The following NEO1 variants were observed in gnomAD, a reference collection of about 807,000 sequenced individuals.
The protein encoded by NEO1 is neogenin 1.
Under a neutral mutation model 159.7 loss-of-function variants are expected in NEO1, and 63 were observed. The observed-to-expected ratio is 0.39, with a 90% CI of 0.32 to 0.49. NEO1 has a LOEUF of 0.49. NEO1 is among the 20% of genes least tolerant of loss of function. The pLI, the probability that NEO1 is intolerant of heterozygous loss-of-function variation, is 0.85. For synonymous variants in NEO1, 633 were observed against 662.0 expected (o/e 0.96, Z 0.67); for missense variants, 1,615 against 1,831.0 (o/e 0.88, Z 2.15).
At chr15:73,167,373 C>T (rs2034649280) in intron 5 of NEO1, among the ~76,000 whole-genome samples, 1 of 152,066 alleles carries the variant, frequency 6.6e-6, no homozygotes, top group Admixed American at 6.5e-5. Context: ...CTATTACCCT[C>T]TTGCTTATCA....
At position 73,253,458 on chromosome 15, in the gene NEO1, G is replaced by A; in HGVS notation, c.1944+9G>A. 1 of 1,590,702 alleles carries A rather than the reference G, an allele frequency of 6.3e-7. No homozygotes were observed. The highest frequency in any genetic ancestry group is 1.2e-5 in the South Asian group (1 of 85,926). On this transcript the variant is annotated intron_variant, in intron 12 of 28. Transcript: ENST00000261908. ...AAGTGAGAAATTCAAAGGTAAAACT[G>A]TATGATGCTGCTGTTCATTTTTACT...
intron 1 of NEO1, among the ~76,000 whole-genome samples, chr15:73,065,128 C>G (rs2068150134): frequency 6.6e-6 from 1 of 151,438 alleles, no homozygotes; most frequent in African/African-American, 2.4e-5. Context: ...TCCATTTGTC[C>G]TTCTCTTTTG....
intron 1 of NEO1, among the ~76,000 whole-genome samples, chr15:73,116,332 C>T (rs550450863): frequency 9.9e-5 from 15 of 151,090 alleles, no homozygotes; most frequent in Middle Eastern, 3.4e-3. Context: ...TTTTTTTTTC[C>T]CCTAATGTTC....
intron 13 of NEO1, among the ~76,000 whole-genome samples, chr15:73,256,330 T>C (rs1435989441): frequency 6.6e-6 from 1 of 151,952 alleles, no homozygotes; most frequent in East Asian, 1.9e-4. Flanking sequence ...TGAAACCCCG[T>C]CTCTACTAAA....
At chr15:73,099,183 T>G (rs954047957) in intron 1 of NEO1, among the ~76,000 whole-genome samples, 2 of 152,204 alleles carry the variant, frequency 1.3e-5, no homozygotes, top group African/African-American at 4.8e-5. Flanking sequence ...ATTCTTCTGA[T>G]GCTGTTAACT....
In NEO1 at chr15:73,052,647, C is replaced by T; in HGVS notation, c.-29C>T. ...GGCAAGGGCTCCGCGGCGCTGTCGC[C>T]GCCGCTGCCGCTCACTCTCGGGGAA... On this transcript the variant is annotated 5_prime_UTR_variant, in exon 1 of 29. Coordinates refer to ENST00000261908, the MANE Select transcript of NEO1 (RefSeq NM_002499.4). 1.6e-6 allele frequency: 2 copies of T among 1,248,202 alleles called. No individual in the cohort carries two copies. Among genetic ancestry groups the T allele is most frequent in the Non-Finnish European group, 2.0e-6 (2 of 991,248 alleles). The allele number at this position is 1,248,202 out of a possible 1,614,324, so 77.3% of individuals were successfully genotyped here. A position where few individuals can be genotyped will look rare whatever the true frequency, so the allele number is the denominator to read the frequency against.
At chr15:73,157,201 C>T (rs1019870815) in intron 5 of NEO1, among the ~76,000 whole-genome samples, 5 of 152,178 alleles carry the variant, frequency 3.3e-5, no homozygotes, top group Admixed American at 1.3e-4. Context: ...TAGGGGGATA[C>T]CCCAGTTTCA....
chr15:73,238,230 A>G (rs1223276823), intron 8 of NEO1, among the ~76,000 whole-genome samples: 1 of 112,066 alleles, frequency 8.9e-6, no homozygotes, highest in Non-Finnish European at 1.8e-5. Context: ...ATTTTTTGGT[A>G]TGTGTGTGGT....
chr15:73,202,123 C>T (rs2036934796), intron 7 of NEO1, among the ~76,000 whole-genome samples: 1 of 151,940 alleles, frequency 6.6e-6, no homozygotes, highest in Non-Finnish European at 1.5e-5. Context: ...GCCACCACAC[C>T]TGGCTATTTT....
intron 26 of NEO1, among the ~76,000 whole-genome samples, chr15:73,295,284 A>C (rs2151160671): frequency 6.6e-6 from 1 of 151,872 alleles, no homozygotes; most frequent in African/African-American, 2.4e-5. Context: ...ATAGTCTCAA[A>C]TAGAACAGAG....
chr15:73,273,252 A>C (rs1220275989), intron 19 of NEO1, among the ~76,000 whole-genome samples: 2 of 152,146 alleles, frequency 1.3e-5, no homozygotes, highest in East Asian at 3.9e-4. Context: ...GTGCTGAGGA[A>C]CTGGGGTTTG....
intron 14 of NEO1, 164 bp downstream of exon 14, chr15:73,259,040 A>AT: frequency 1.7e-6 from 1 of 597,634 alleles, no homozygotes; most frequent in Non-Finnish European, 3.0e-6. Context: ...GCTGGAATGG[A>AT]TTTTTTGCAG....
At chr15:73,119,584 C>T (rs1567235347) in intron 2 of NEO1, among the ~76,000 whole-genome samples, 4 of 152,238 alleles carry the variant, frequency 2.6e-5, no homozygotes, top group South Asian at 2.1e-4. Context: ...TTGTCAACTC[C>T]GGGTCTTAAC....
rs1260840336 is a variant in NEO1, at chr15:73,155,213, GTGGTGGTGGTGGTGATACTGA to G, written c.1015+19201_1015+19221del. Among the ~76,000 whole-genome samples, 283 of 151,922 alleles carry G rather than the reference GTGGTGGTGGTGGTGATACTGA, an allele frequency of 1.9e-3. 3 individuals carry two copies. Among genetic ancestry groups the G allele is most frequent in the African/African-American group, 6.5e-3 (268 of 41,430 alleles). ...ATATAAAATTCTTGGCTGATGTTTG[GTGGTGGTGGTGGTGATACTGA>G]TGGTGGTGGTGGTGGTTTTCCTTAC... On this transcript the variant is annotated intron_variant, in intron 5 of 28. Transcript: ENST00000261908.
intron 22 of NEO1, among the ~76,000 whole-genome samples, chr15:73,280,292 A>C (rs2041630690): frequency 6.6e-6 from 1 of 152,172 alleles, no homozygotes; most frequent in Non-Finnish European, 1.5e-5. Context: ...TCTCAAAAAA[A>C]AAAAAAGGAA....
At chr15:73,142,751 G>A (rs78831174) in intron 5 of NEO1, among the ~76,000 whole-genome samples, 2 of 152,146 alleles carry the variant, frequency 1.3e-5, no homozygotes, top group Non-Finnish European at 2.9e-5. Flanking sequence ...TCAAGAGTGC[G>A]TCAGATCTGC....
chr15:73,131,509 A>G (rs1306820529), intron 4 of NEO1, among the ~76,000 whole-genome samples: 2 of 152,154 alleles, frequency 1.3e-5, no homozygotes, highest in East Asian at 1.9e-4. Context: ...CCGTTTCTTT[A>G]TCTGATGTAT....
chr15:73,244,960 A>C (rs2039688393), intron 9 of NEO1, among the ~76,000 whole-genome samples: 1 of 134,032 alleles, frequency 7.5e-6, no homozygotes, highest in African/African-American at 2.7e-5. Context: ...GTCTCAAAAA[A>C]AAAAAAAAAA....
At chr15:73,287,979 T>G (rs897582267) in intron 23 of NEO1, among the ~76,000 whole-genome samples, 1 of 152,222 alleles carries the variant, frequency 6.6e-6, no homozygotes, top group African/African-American at 2.4e-5. Flanking sequence ...AATTAGAAAC[T>G]TGTGGATGAA....
Sources: gnomAD v4.1 joint callset for allele counts (sites outside exome capture counted in the v4.1 genomes callset) on GRCh38, gnomAD v4.1.1 for gene constraint, MANE v1.5 for transcripts, NCBI Gene and HGNC (gene_info 2026-07-23, HGNC 2026-07-21) for gene names.